TRPM4: variants seen among roughly 807,000 people sequenced by gnomAD.
TRPM4 encodes transient receptor potential cation channel subfamily M member 4.
TRPM4 carries 124 observed loss-of-function variants against 135.6 expected under a neutral mutation model. The ratio of observed to expected loss-of-function variants is 0.91; its 90% CI spans 0.79 to 1.06. The LOEUF is 1.06. Among genes scored for constraint, TRPM4 ranks in the 50% least tolerant of loss-of-function variants. The probability of loss-of-function intolerance (pLI) is 0.00; values close to 1 mark genes in which losing one functional copy is unlikely to be tolerated. For missense variants in TRPM4, 1,658 were observed against 1,671.4 expected, an observed-to-expected ratio of 0.99 and a Z score of 0.14; for synonymous variants, 745 against 705.6, an observed-to-expected ratio of 1.06 and a Z score of -0.88.
chr19:49,168,148 T>G, intron 4 of TRPM4, 51 bp downstream of exon 4: 1 of 1,591,418 alleles, frequency 6.3e-7, no homozygotes, highest in Non-Finnish European at 8.6e-7. Flanking sequence ...CTGCCTGCCA[T>G]CTCCCCCACG....
intron 19 of TRPM4, among the ~76,000 whole-genome samples, chr19:49,201,012 C>CT (rs936001570): frequency 2.8e-4 from 38 of 134,738 alleles, no homozygotes; most frequent in Non-Finnish European, 4.5e-4. Context: ...TTTTTTTTTT[C>CT]TTTTTTTTTG....
At position 49,211,508 on chromosome 19, in the gene TRPM4, G is replaced by C; in HGVS notation, c.*10G>C. 1 of 1,614,014 alleles carries C rather than the reference G, an allele frequency of 6.2e-7. No individual in the cohort carries two copies. The highest frequency in any genetic ancestry group is 8.5e-7 in the Non-Finnish European group (1 of 1,180,028). The stretch of plus-strand genomic sequence containing the variant: ...TCTTCCCCCAGACTGAGCCCTGCTG[G>C]CGGACTTCAAGGAGAAGCCCCCACA... On this transcript the variant is annotated 3_prime_UTR_variant, in exon 25 of 25. Coordinates refer to ENST00000252826, the MANE Select transcript of TRPM4 (RefSeq NM_017636.4). This position sits in a 1 kb window ranked among gnomAD's most constrained non-coding sequence, Gnocchi z 4.8.
At position 49,196,646 on chromosome 19, in the gene TRPM4, A is replaced by G. The variant is rs2123043002; in HGVS notation, c.2417A>G (p.Gln806Arg). The change falls in exon 17 of 25, where the codon CAG becomes CGG. Residue 806 changes from glutamine to arginine, a missense_variant. By Grantham distance (43) the Gln-to-Arg change is conservative (BLOSUM62 1). Coordinates refer to ENST00000252826, the MANE Select transcript of TRPM4 (RefSeq NM_017636.4). ...TCGCGGGTGCTGCTCGTGGATTTCC[A>G]GCCGGCGCCGCCCGGCTCCCTGGAG... ...LFSRVLLVDF[Q>R]PAPPGSLELL... 6.5e-7 allele frequency: 1 copy of G among 1,547,908 alleles called. No individual in the cohort carries two copies.
rs909415045 is a variant in TRPM4 at position 49,166,034 on chromosome 19, C to T, written c.93-7C>T. 2.5e-6 allele frequency: 4 copies of T among 1,587,544 alleles called. No homozygotes were observed. The highest frequency in any genetic ancestry group is 2.7e-5 in the African/African-American group (2 of 74,664). The stretch of plus-strand genomic sequence containing the variant: ...CCTGGGTTCACGCTCCGCCCTCGCA[C>T]CCCCAGAGGGACCTTGTGCCAGTGT... On this transcript the variant is annotated splice_region_variant and splice_polypyrimidine_tract_variant and intron_variant, in intron 2 of 24. Coordinates refer to ENST00000252826, the MANE Select transcript of TRPM4 (RefSeq NM_017636.4).
chr19:49,174,529 G>T (rs1487869723), intron 9 of TRPM4, among the ~76,000 whole-genome samples: 1 of 151,968 alleles, frequency 6.6e-6, no homozygotes, highest in East Asian at 2.0e-4. Flanking sequence ...GGGAGGCTGA[G>T]GAGGGAAGAT....
chr19:49,176,911 G>T (rs1197031471), intron 9 of TRPM4, among the ~76,000 whole-genome samples: 1 of 152,036 alleles, frequency 6.6e-6, no homozygotes, highest in Non-Finnish European at 1.5e-5. Flanking sequence ...GTGGTCTTGA[G>T]GAAGCAGCTT....
intron 20 of TRPM4, among the ~76,000 whole-genome samples, chr19:49,207,375 A>G (rs1335754385): frequency 7.2e-5 from 11 of 152,066 alleles, no homozygotes; most frequent in Admixed American, 6.6e-4. Flanking sequence ...TGTGCCTGCA[A>G]TCACAATACT....
chr19:49,203,349 T>G (rs1030186561), intron 20 of TRPM4, among the ~76,000 whole-genome samples: 1 of 151,472 alleles, frequency 6.6e-6, no homozygotes, highest in African/African-American at 2.4e-5. Context: ...CTGGCTAATT[T>G]TTTGTATTTT....
chr19:49,203,369 T>C (rs552467397), intron 20 of TRPM4, among the ~76,000 whole-genome samples: 177 of 146,480 alleles, frequency 1.2e-3, no homozygotes, highest in East Asian at 4.8e-3. Context: ...TTAGTAGAGA[T>C]GGGGTTTCAC....
chr19:49,159,280 T>G (rs1301746926), intron 2 of TRPM4: 2 of 151,928 alleles, frequency 1.3e-5, no homozygotes, highest in African/African-American at 4.8e-5. Context: ...TCCGCCCGCC[T>G]CAGCCCCTCA....
At chr19:49,175,540 A>G (rs993830781) in intron 9 of TRPM4, among the ~76,000 whole-genome samples, 2 of 151,744 alleles carry the variant, frequency 1.3e-5, no homozygotes, top group African/African-American at 4.8e-5. Flanking sequence ...ATACACACTA[A>G]GATAGAAACT....
Position 49,210,437 on chromosome 19 carries a change from A to G in TRPM4, c.3328+32A>G, listed in dbSNP as rs746871701. 1 of 1,607,002 alleles carries G rather than the reference A, an allele frequency of 6.2e-7. No homozygotes were observed. Among genetic ancestry groups the G allele is most frequent in the East Asian group, 2.2e-5 (1 of 44,866 alleles). ...ACAGAGCTTGGCTTAAAAAGGAGAA[A>G]TATAGGGGACCGGGAGCCTGGAAGG... On this transcript the variant is annotated intron_variant, in intron 21 of 24. Transcript: ENST00000252826. The surrounding 1 kb of genome is among the most constrained non-coding windows in gnomAD (Gnocchi z 4.1).
At chr19:49,158,298 C>G in intron 2 of TRPM4, 39 bp downstream of exon 2, 1 of 1,595,902 alleles carries the variant, frequency 6.3e-7, no homozygotes, top group Non-Finnish European at 8.6e-7. Flanking sequence ...AGAGGGTCCG[C>G]GGCCCGCTGA....
rs140069078 is a variant in TRPM4 at position 49,181,413 on chromosome 19, C to T, written c.1215C>T (p.Arg405=). Residue 405 remains arginine (R), a synonymous_variant, in exon 10 of 25, where the codon CGC becomes CGT. Coordinates refer to ENST00000252826, the MANE Select transcript of TRPM4 (RefSeq NM_017636.4). Reference sequence around the variant, plus strand: ...TGCGTTTGGCTGTGGCTTGGAACCGCGTGGACATTGCCCAGAGTGAACTCT... The same window carrying T: ...TGCGTTTGGCTGTGGCTTGGAACCGTGTGGACATTGCCCAGAGTGAACTCT... ...DELRLAVAWN[R]VDIAQSELFR... 4.9e-5 allele frequency: 79 copies of T among 1,613,578 alleles called. No homozygotes were observed. Among genetic ancestry groups the T allele is most frequent in the South Asian group, 1.1e-4 (10 of 91,066 alleles).
intron 20 of TRPM4, among the ~76,000 whole-genome samples, chr19:49,206,225 C>T (rs58636953): frequency 0.056 from 8,474 of 152,074 alleles, 702 homozygotes; most frequent in African/African-American, 0.17. Context: ...TTCCAAGGTG[C>T]TGGGATTACA....
chr19:49,196,887 G>C lies in TRPM4; in HGVS notation c.2645+13G>C. ...GCGTGGGCTGCCGGTGAGTGCCCCG[G>C]GGCCTTGGAACCCTGGCCCCTGGCC... On this transcript the variant is annotated intron_variant, in intron 17 of 24. Coordinates refer to ENST00000252826, the MANE Select transcript of TRPM4 (RefSeq NM_017636.4). The C allele has an allele frequency of 6.4e-7, 1 of 1,566,812 alleles. No individual in the cohort carries two copies. Among genetic ancestry groups the C allele is most frequent in the Non-Finnish European group, 8.6e-7 (1 of 1,165,328 alleles).
intron 12 of TRPM4, among the ~76,000 whole-genome samples, chr19:49,187,550 A>G (rs1227786947): frequency 2.0e-5 from 3 of 152,032 alleles, no homozygotes; most frequent in South Asian, 4.1e-4. Context: ...GAGTCTCACC[A>G]TGTTGCCTGG....
chr19:49,174,396 C>G lies in TRPM4; in HGVS notation c.1150+2288C>G, dbSNP rs113947254. 1.6e-4 allele frequency among the ~76,000 whole-genome samples: 24 copies of G among 151,976 alleles called. 1 individual carries two copies. The highest frequency in any genetic ancestry group is 3.2e-4 in the Non-Finnish European group (22 of 67,990). Reference sequence around the variant, plus strand: ...TCGAACTCCTGACCTCATGATCCATCCACCTCGGCCTCCCAAAGTGCTGGG... The same window carrying G: ...TCGAACTCCTGACCTCATGATCCATGCACCTCGGCCTCCCAAAGTGCTGGG... On this transcript the variant is annotated intron_variant, in intron 9 of 24. Transcript: ENST00000252826.
In TRPM4 at chr19:49,189,016, C is replaced by G. The variant is rs1968308985; in HGVS notation, c.1944C>G (p.Leu648=). 6.2e-7 allele frequency: 1 copy of G among 1,614,210 alleles called. No individual in the cohort carries two copies. The highest frequency in any genetic ancestry group is 8.5e-7 in the Non-Finnish European group (1 of 1,180,030). The change falls in exon 14 of 25, where the codon CTC becomes CTG. Residue 648 remains leucine (L), a synonymous_variant. Coordinates refer to ENST00000252826, the MANE Select transcript of TRPM4 (RefSeq NM_017636.4). The stretch of plus-strand genomic sequence containing the variant: ...GCCTCCTCCTCCGTCGCTGCCCGCT[C>G]TGGGGGGATGCCACTTGCCTCCAGC... ...AARLLLRRCP[L]WGDATCLQLA...
Sources: allele counts gnomAD v4.1 joint callset (sites outside exome capture counted in the v4.1 genomes callset), GRCh38; gene constraint gnomAD v4.1.1; non-coding constraint Gnocchi (gnomAD v3.1); transcripts MANE v1.5; gene names NCBI Gene and HGNC (gene_info 2026-07-23, HGNC 2026-07-21).